AKR7A2: variants seen among roughly 807,000 people sequenced by gnomAD.
The protein encoded by AKR7A2 is aflatoxin B1 aldehyde reductase member 2.
AKR7A2 carries 29 observed loss-of-function variants against 37.3 expected under a neutral mutation model. The ratio of observed to expected loss-of-function variants is 0.78; its 90% CI spans 0.58 to 1.06. AKR7A2 has a LOEUF of 1.06. AKR7A2 is among the 50% of genes least tolerant of loss of function. AKR7A2 has a pLI of 0.00. For missense variants in AKR7A2, 529 were observed against 497.9 expected, an observed-to-expected ratio of 1.06 and a Z score of -0.59; for synonymous variants, 228 against 217.8, an observed-to-expected ratio of 1.05 and a Z score of -0.41.
intron 5 of AKR7A2, 49 bp from the exon 6 acceptor site, chr1:19,306,196 C>T: frequency 6.2e-7 from 1 of 1,613,342 alleles, no homozygotes; most frequent in Non-Finnish European, 8.5e-7. Flanking sequence ...GGGGGTCACA[C>T]TGGGAGCCGC....
rs755683362 is a variant in AKR7A2, at chr1:19,306,050, G to A, written c.886C>T (p.Leu296Phe). Reference protein sequence around the residue: ...ASAPSVTSAALRWMYHHSQLQ... With the variant: ...ASAPSVTSAAFRWMYHHSQLQ... Reference sequence around the variant, plus strand: ...TGTGAGTGGTGGTACATCCACCGGAGGGCAGCCGAGGTCACACTGGGGGCG... The same window carrying A: ...TGTGAGTGGTGGTACATCCACCGGAAGGCAGCCGAGGTCACACTGGGGGCG... The change falls in exon 6 of 7, where the codon CTC becomes TTC. Residue 296 changes from leucine to phenylalanine, a missense_variant. Leu to Phe is a conservative substitution (Grantham distance 22). Transcript: ENST00000235835. 4 of 1,614,006 alleles carry A rather than the reference G, an allele frequency of 2.5e-6. No individual in the cohort carries two copies. The highest frequency in any genetic ancestry group is 2.7e-5 in the African/African-American group (2 of 74,952).
chr1:19,311,750 C>A, intron 1 of AKR7A2, 77 bp downstream of exon 1: 2 of 1,583,292 alleles, frequency 1.3e-6, no homozygotes, highest in Non-Finnish European at 1.7e-6. Context: ...CGCGGCCGGG[C>A]CCGAGCGGGG....
downstream of AKR7A2, among the ~76,000 whole-genome samples, chr1:19,303,308 G>T (rs1177003024): frequency 6.6e-6 from 1 of 152,120 alleles, no homozygotes; most frequent in Non-Finnish European, 1.5e-5. Context: ...AAATTTCCAG[G>T]TTGGGCCTCT....
At chr1:19,309,486 C>T (rs2093768349) in intron 1 of AKR7A2, among the ~76,000 whole-genome samples, 1 of 152,200 alleles carries the variant, frequency 6.6e-6, no homozygotes, top group Non-Finnish European at 1.5e-5. Flanking sequence ...TTATAATTCT[C>T]CCCTCCCCTT....
At chr1:19,309,796 C>A (rs564186798) in intron 1 of AKR7A2, among the ~76,000 whole-genome samples, 11 of 151,778 alleles carry the variant, frequency 7.2e-5, no homozygotes, top group African/African-American at 2.7e-4. Flanking sequence ...CCAGCTGGGC[C>A]AGGAAAGGTA....
chr1:19,303,978 C>T lies in AKR7A2; in HGVS notation c.*247G>A. On this transcript the variant is annotated 3_prime_UTR_variant, in exon 7 of 7. Transcript: ENST00000235835. The stretch of plus-strand genomic sequence containing the variant: ...AGAGAAAGCAAGTTTTTGGGGTTCA[C>T]TCAAGACCTAGGCTACAGCCAGGTC... 1 of 602,546 alleles carries T rather than the reference C, an allele frequency of 1.7e-6. No individual in the cohort carries two copies. Among genetic ancestry groups the T allele is most frequent in the Non-Finnish European group, 2.9e-6 (1 of 344,450 alleles). The allele number at this position is 602,546 out of a possible 1,614,324, so 37.3% of individuals were successfully genotyped here. A position where few individuals can be genotyped will look rare whatever the true frequency, so the allele number is the denominator to read the frequency against.
chr1:19,307,368 A>G lies in AKR7A2; in HGVS notation c.634T>C (p.Phe212Leu). The change falls in exon 4 of 7, where the codon TTC becomes CTC. Residue 212 changes from phenylalanine to leucine, a missense_variant. Phe to Leu is a conservative substitution (Grantham distance 22). Coordinates refer to ENST00000235835, the MANE Select transcript of AKR7A2 (RefSeq NM_003689.4). Reference sequence around the variant, plus strand: ...AGTCCAAAGTGCCTGAGGCAGGGGAAGAGCTCCGTTTCCACCTGCCGGGTG... The same window carrying G: ...AGTCCAAAGTGCCTGAGGCAGGGGAGGAGCTCCGTTTCCACCTGCCGGGTG... ...ATTRQVETEL[F>L]PCLRHFGLRF... The G allele has an allele frequency of 1.2e-6, 2 of 1,613,980 alleles. No homozygotes were observed. Among genetic ancestry groups the G allele is most frequent in the Non-Finnish European group, 1.7e-6 (2 of 1,179,912 alleles).
chr1:19,308,519 T>C lies in AKR7A2; in HGVS notation c.422A>G (p.His141Arg), dbSNP rs748187102. 10 of 1,613,986 alleles carry C rather than the reference T, an allele frequency of 6.2e-6. No individual in the cohort carries two copies. Among genetic ancestry groups the C allele is most frequent in the African/African-American group, 1.3e-5 (1 of 74,880 alleles). ...CACCGGGGTGCCGTGGTCAGGTGCG[T>C]GTAGGTAGAAGAGGTCCACTTGGGG... ...QCPQVDLFYL[H>R]APDHGTPVEE... Residue 141 changes from histidine (H) to arginine (R), a missense_variant, in exon 2 of 7, where the codon CAC (histidine) becomes CGC (arginine). Physicochemically the swap from His to Arg is conservative, Grantham distance 29. Transcript: ENST00000235835.
At chr1:19,308,737 T>G in intron 1 of AKR7A2, 95 bp from the exon 2 acceptor site, 1 of 1,214,404 alleles carries the variant, frequency 8.2e-7, no homozygotes, top group Middle Eastern at 1.9e-4. Flanking sequence ...TGGCCTCAAT[T>G]GTATGATCTG....
At chr1:19,307,166 G>A (rs2093763141) in intron 4 of AKR7A2, 65 bp from the exon 5 acceptor site, 6 of 1,598,128 alleles carry the variant, frequency 3.8e-6, no homozygotes. Flanking sequence ...ATCCCTCAGG[G>A]CTCTGGTCTA....
chr1:19,303,884 G>T (rs1474457964), downstream of AKR7A2: 18 of 379,680 alleles, frequency 4.7e-5, no homozygotes, highest in Non-Finnish European at 1.5e-5. Context: ...TCTGCCCTCT[G>T]AAGACTCCAG....
At chr1:19,308,865 C>T (rs2093767160) in intron 1 of AKR7A2, among the ~76,000 whole-genome samples, 1 of 152,198 alleles carries the variant, frequency 6.6e-6, no homozygotes, top group Non-Finnish European at 1.5e-5. Context: ...AGTCACCAAC[C>T]TGCTGGCTGT....
chr1:19,306,369 T>TCAG lies in AKR7A2; in HGVS notation c.789-225_789-223dup, dbSNP rs2093761697. ...TCAATGGATCTTTACTCCTGAGGAC[T>TCAG]CAGTAGCCTAGGGACTTCCCTAGGG... On this transcript the variant is annotated intron_variant, in intron 5 of 6. Transcript: ENST00000235835. Among the ~76,000 whole-genome samples, 4 of 152,256 alleles carry TCAG rather than the reference T, an allele frequency of 2.6e-5. No individual in the cohort carries two copies. In the South Asian group the frequency reaches 8.3e-4, roughly 32 times the overall value.
At chr1:19,309,298 A>C (rs2093768025) in intron 1 of AKR7A2, among the ~76,000 whole-genome samples, 1 of 152,218 alleles carries the variant, frequency 6.6e-6, no homozygotes, top group African/African-American at 2.4e-5. Context: ...GAACTTGATC[A>C]TTCCAGATTT....
chr1:19,306,825 C>G (rs769788229), intron 5 of AKR7A2, among the ~76,000 whole-genome samples, 177 bp downstream of exon 5: 1 of 152,164 alleles, frequency 6.6e-6, no homozygotes, highest in East Asian at 1.9e-4. Flanking sequence ...TCATTTCCCC[C>G]CCAGAGGTCT....
In AKR7A2 at chr1:19,311,959, T is replaced by A. The variant is rs1232475323; in HGVS notation, c.166A>T (p.Ser56Cys). Residue 56 changes from serine (S) to cysteine (C), a missense_variant, in exon 1 of 7, where the codon AGC (serine) becomes TGC (cysteine). Ser to Cys is a moderately radical substitution (Grantham distance 112). Transcript: ENST00000235835. ...AGAAAGGCGCGCACGGCCGCGGCGC[T>A]GGCGGGCGCGTCCATGCGGCGCCCC... ...EMGRRMDAPA[S>C]AAAVRAFLER... 5 of 1,581,170 alleles carry A rather than the reference T, an allele frequency of 3.2e-6. No homozygotes were observed. The highest frequency in any genetic ancestry group is 4.3e-6 in the Non-Finnish European group (5 of 1,165,008).
In AKR7A2 at chr1:19,307,347, C is replaced by T; in HGVS notation, c.655G>A (p.Gly219Arg). 1.9e-6 allele frequency: 3 copies of T among 1,613,900 alleles called. No homozygotes were observed. The highest frequency in any genetic ancestry group is 2.5e-6 in the Non-Finnish European group (3 of 1,179,986). ...GGGTTGTAGGCATAGAACCTCAGTC[C>T]AAAGTGCCTGAGGCAGGGGAAGAGC... ...TELFPCLRHF[G>R]LRFYAYNPLA... Residue 219 changes from glycine to arginine, a missense_variant, in exon 4 of 7, where the codon GGA becomes AGA. Coordinates refer to ENST00000235835, the MANE Select transcript of AKR7A2 (RefSeq NM_003689.4).
chr1:19,311,095 G>A (rs935883677), intron 1 of AKR7A2, among the ~76,000 whole-genome samples: 1 of 152,168 alleles, frequency 6.6e-6, no homozygotes, highest in African/African-American at 2.4e-5. Flanking sequence ...AGCCTTTAAG[G>A]CTGAGCTCCA....
At position 19,312,058 on chromosome 1, in the gene AKR7A2, G is replaced by A. The variant is rs1263354606; in HGVS notation, c.67C>T (p.Pro23Ser). Residue 23 changes from proline (P) to serine (S), a missense_variant, in exon 1 of 7, where the codon CCC becomes TCC. Physicochemically the swap from Pro to Ser is moderately conservative, Grantham distance 74. Transcript: ENST00000235835. ...AVHCALRSPPPEARALAMSRP... is the reference protein window; with the variant it reads ...AVHCALRSPPSEARALAMSRP... ...GACATGGCGAGCGCGCGGGCCTCGGGCGGCGGAGAGCGAAGCGCGCAGTGG... is the reference window on the plus strand; with the variant it reads ...GACATGGCGAGCGCGCGGGCCTCGGACGGCGGAGAGCGAAGCGCGCAGTGG... 7.3e-7 allele frequency: 1 copy of A among 1,365,012 alleles called. No individual in the cohort carries two copies. Among genetic ancestry groups the A allele is most frequent in the East Asian group, 3.1e-5 (1 of 32,314 alleles). The allele number at this position is 1,365,012 out of a possible 1,614,324, so 84.6% of individuals were successfully genotyped here. A position where few individuals can be genotyped will look rare whatever the true frequency, so the allele number is the denominator to read the frequency against.
Sources: allele counts gnomAD v4.1 joint callset (sites outside exome capture counted in the v4.1 genomes callset), GRCh38; gene constraint gnomAD v4.1.1; transcripts MANE v1.5; gene names NCBI Gene and HGNC (gene_info 2026-07-23, HGNC 2026-07-21).